TVP23C: variants seen among roughly 807,000 people sequenced by gnomAD.
TVP23C encodes the protein Golgi apparatus membrane protein TVP23 homolog C.
TVP23C carries 19 observed loss-of-function variants against 28.7 expected under a neutral mutation model. That is an observed-to-expected ratio of 0.66 (90% CI 0.46 to 0.97). TVP23C has a LOEUF of 0.97. TVP23C is among the 50% of genes least tolerant of loss of function. TVP23C has a pLI of 0.00. For missense variants in TVP23C, 186 were observed against 241.3 expected, an observed-to-expected ratio of 0.77 and a Z score of 1.52; for synonymous variants, 68 against 81.7, an observed-to-expected ratio of 0.83 and a Z score of 0.90.
chr17:15,503,080 G>A, exon 6 of TVP23C: 3 of 1,614,158 alleles, frequency 1.9e-6, no homozygotes, highest in Non-Finnish European at 1.7e-6. Context: ...TGATCCTCGT[G>A]AAAGAATTAA....
chr17:15,555,551 C>A (rs1017897473), intron 1 of TVP23C, among the ~76,000 whole-genome samples, 187 bp from the exon 2 acceptor site: 1 of 152,216 alleles, frequency 6.6e-6, no homozygotes, highest in African/African-American at 2.4e-5. Flanking sequence ...CTGGCAAAAA[C>A]CCCAGAGAAT....
intron 5 of TVP23C, among the ~76,000 whole-genome samples, chr17:15,545,204 T>G (rs915213088): frequency 6.6e-6 from 1 of 152,150 alleles, no homozygotes; most frequent in African/African-American, 2.4e-5. Flanking sequence ...TTGTAAAAGC[T>G]TGTGAGCTAG....
At chr17:15,506,843 C>T (rs1981772441) in intron 5 of TVP23C, 2 of 627,466 alleles carry the variant, frequency 3.2e-6, no homozygotes, top group African/African-American at 1.8e-5. Flanking sequence ...AGACCAAGAA[C>T]CCACTAGAAC....
chr17:15,521,112 C>A (rs1285477897), intron 5 of TVP23C, among the ~76,000 whole-genome samples: 1 of 151,804 alleles, frequency 6.6e-6, no homozygotes, highest in African/African-American at 2.4e-5. Context: ...TTCAATATTA[C>A]AAAGATGAGA....
At chr17:15,527,890 A>C (rs187468820) in intron 5 of TVP23C, among the ~76,000 whole-genome samples, 85 of 152,346 alleles carry the variant, frequency 5.6e-4, no homozygotes, top group African/African-American at 2.0e-3. Context: ...ACATAACAGA[A>C]TGTTCACACA....
chr17:15,526,723 A>T (rs1245557415), intron 5 of TVP23C, among the ~76,000 whole-genome samples: 1 of 152,204 alleles, frequency 6.6e-6, no homozygotes, highest in Non-Finnish European at 1.5e-5. Context: ...CATCTAGAGG[A>T]CCAAGTGCAA....
intron 2 of TVP23C, among the ~76,000 whole-genome samples, chr17:15,554,885 A>C (rs1040109140): frequency 6.6e-6 from 1 of 152,256 alleles, no homozygotes; most frequent in African/African-American, 2.4e-5. Flanking sequence ...GCAGGGTTCA[A>C]GTAGAATTTG....
chr17:15,502,910 G>A (rs1357746251), exon 6 of TVP23C: 3 of 1,607,980 alleles, frequency 1.9e-6, no homozygotes, highest in East Asian at 2.2e-5. Flanking sequence ...GGGCTCACCA[G>A]TTCCTCTGCT....
chr17:15,531,820 A>G (rs1643625269), intron 5 of TVP23C, among the ~76,000 whole-genome samples: 1 of 152,162 alleles, frequency 6.6e-6, no homozygotes, highest in African/African-American at 2.4e-5. Context: ...CTGTTTCTTC[A>G]CATCTTTTGT....
At chr17:15,517,066 A>G (rs1982259275) in intron 5 of TVP23C, among the ~76,000 whole-genome samples, 1 of 152,244 alleles carries the variant, frequency 6.6e-6, no homozygotes. Context: ...GCTTTATAAA[A>G]GAGAGTGTCT....
intron 5 of TVP23C, among the ~76,000 whole-genome samples, chr17:15,514,137 T>C (rs1463396380): frequency 6.6e-6 from 1 of 152,232 alleles, no homozygotes; most frequent in Non-Finnish European, 1.5e-5. Context: ...AAGGTGAATA[T>C]GGCCCATCAA....
At chr17:15,505,584 C>A (rs1251228836) in intron 5 of TVP23C, among the ~76,000 whole-genome samples, 1 of 152,224 alleles carries the variant, frequency 6.6e-6, no homozygotes, top group African/African-American at 2.4e-5. Flanking sequence ...TGCCAGGGCT[C>A]CCACTTTGGC....
intron 5 of TVP23C, among the ~76,000 whole-genome samples, chr17:15,506,588 G>A (rs1024247968): frequency 3.9e-5 from 6 of 152,192 alleles, no homozygotes; most frequent in Admixed American, 1.3e-4. Context: ...CGGAAGCTTT[G>A]TTCTTTTGCT....
rs555306138 is a variant in TVP23C, at chr17:15,551,654, TA to T, written c.240+2030del. Reference sequence around the variant, plus strand: ...CCCAAGAGAAATTCGTAAACTTTCTTAAAACATTATGAGATTTTTTTGTGTG... The same window carrying T: ...CCCAAGAGAAATTCGTAAACTTTCTTAAACATTATGAGATTTTTTTGTGTG... On this transcript the variant is annotated intron_variant, in intron 3 of 5. Transcript: ENST00000518321. Among the ~76,000 whole-genome samples the T allele has an allele frequency of 9.6e-3, 1,372 of 143,366 alleles. 11 individuals carry two copies. The highest frequency in any genetic ancestry group is 0.015 in the South Asian group (65 of 4,272). The allele number at this position is 143,366 out of a possible 152,430, so 94.1% of individuals were successfully genotyped here. A position where few individuals can be genotyped will look rare whatever the true frequency, so the allele number is the denominator to read the frequency against.
At chr17:15,557,524 C>T (rs1398718088) in intron 1 of TVP23C, among the ~76,000 whole-genome samples, 1 of 148,712 alleles carries the variant, frequency 6.7e-6, no homozygotes, top group Non-Finnish European at 1.5e-5. Context: ...GTTTCAAACT[C>T]CTGACCTCCA....
intron 3 of TVP23C, among the ~76,000 whole-genome samples, chr17:15,553,345 T>G (rs1983978599): frequency 6.6e-6 from 1 of 151,774 alleles, no homozygotes; most frequent in Non-Finnish European, 1.5e-5. Context: ...CACCTACAGG[T>G]AAGCCTGAAG....
At chr17:15,525,208 T>C (rs1982669318) in intron 5 of TVP23C, among the ~76,000 whole-genome samples, 1 of 152,210 alleles carries the variant, frequency 6.6e-6, no homozygotes, top group African/African-American at 2.4e-5. Context: ...CCAATAAATG[T>C]TTATTGAGTG....
chr17:15,531,421 T>C (rs1982945401), intron 5 of TVP23C, among the ~76,000 whole-genome samples: 1 of 152,234 alleles, frequency 6.6e-6, no homozygotes, highest in South Asian at 2.1e-4. Flanking sequence ...CTGGAACTCC[T>C]TTAATGCGTA....
chr17:15,547,092 A>G lies in TVP23C; in HGVS notation c.297T>C (p.Asp99=), dbSNP rs1983679441. ...ATTCAAACACCCAATGGCTCTTTCC[A>G]TCTTCATCAATGTGATTCCACCAAC... The part of the protein sequence containing the change: ...GLRWWNHIDE[D]GKSHWVFESR... The change falls in exon 4 of 6, where the codon GAT becomes GAC. Residue 99 remains aspartate (D), a synonymous_variant. Coordinates refer to ENST00000518321, the MANE Select transcript of TVP23C (RefSeq NM_001135036.2). The G allele has an allele frequency of 1.2e-6, 2 of 1,607,206 alleles. No individual in the cohort carries two copies. Among genetic ancestry groups the G allele is most frequent in the Non-Finnish European group, 1.7e-6 (2 of 1,178,158 alleles).
Sources: allele counts gnomAD v4.1 joint callset (sites outside exome capture counted in the v4.1 genomes callset), GRCh38; gene constraint gnomAD v4.1.1; transcripts MANE v1.5; gene names NCBI Gene and HGNC (gene_info 2026-07-23, HGNC 2026-07-21).